The following TIAM1 variants were observed in gnomAD, a reference collection of about 807,000 sequenced individuals.
TIAM1 encodes the protein TIAM Rac1 associated GEF 1.
In TIAM1, 65 loss-of-function variants were observed where a neutral mutation model predicts 163.5. That is an observed-to-expected ratio of 0.40 (90% confidence interval 0.33 to 0.49). The LOEUF (loss-of-function observed/expected upper bound fraction) is 0.49, where lower values mean the gene tolerates loss of function less well. Ranked by LOEUF, TIAM1 falls within the 20% of genes least tolerant of loss-of-function variation. The probability of loss-of-function intolerance (pLI) is 0.77; values close to 1 mark genes in which losing one functional copy is unlikely to be tolerated. For synonymous variants in TIAM1, 833 were observed against 810.1 expected, an observed-to-expected ratio of 1.03 and a Z score of -0.48; for missense variants, 1,789 against 2,044.7, an observed-to-expected ratio of 0.87 and a Z score of 2.41.
Position 31,182,407 on chromosome 21 carries a change from C to T in TIAM1, c.2887+14G>A, listed in dbSNP as rs770809088. 1 of 1,535,626 alleles carries T rather than the reference C, an allele frequency of 6.5e-7. No individual in the cohort carries two copies. The highest frequency in any genetic ancestry group is 2.1e-5 in the Admixed American group (1 of 47,808). Reference sequence around the variant, plus strand: ...GGAGTTCAGACTCGCCCCCAGCACCCTGCACAGCCATACCTGGGTTGCTGG... The same window carrying T: ...GGAGTTCAGACTCGCCCCCAGCACCTTGCACAGCCATACCTGGGTTGCTGG... On this transcript the variant is annotated intron_variant, in intron 15 of 27. Transcript: ENST00000541036.
intron 2 of TIAM1, among the ~76,000 whole-genome samples, chr21:31,323,730 C>T (rs1202959733): frequency 6.6e-6 from 1 of 152,090 alleles, no homozygotes; most frequent in African/African-American, 2.4e-5. Flanking sequence ...ACTTGGGAGG[C>T]TAAGGCAGGA....
intron 19 of TIAM1, among the ~76,000 whole-genome samples, chr21:31,149,268 G>A (rs370015168): frequency 6.6e-6 from 1 of 152,212 alleles, no homozygotes; most frequent in East Asian, 1.9e-4. Flanking sequence ...CTTGTGACCA[G>A]AAGTACTTCA....
intron 2 of TIAM1, among the ~76,000 whole-genome samples, chr21:31,324,195 C>T (rs1335463087): frequency 6.6e-6 from 1 of 151,936 alleles, no homozygotes; most frequent in Non-Finnish European, 1.5e-5. Flanking sequence ...TAATTCATTG[C>T]GTTTGGGACC....
chr21:31,413,684 T>C (rs1188959561), intron 2 of TIAM1, among the ~76,000 whole-genome samples: 2 of 152,112 alleles, frequency 1.3e-5, no homozygotes, highest in Non-Finnish European at 1.5e-5. Flanking sequence ...TAAAAAACAA[T>C]GGGTAAAATG....
At chr21:31,229,943 G>A (rs182355433) in intron 6 of TIAM1, among the ~76,000 whole-genome samples, 306 of 152,232 alleles carry the variant, frequency 2.0e-3, no homozygotes, top group African/African-American at 6.1e-3. Flanking sequence ...GTGAGCTACC[G>A]CGCCCGGCCA....
At chr21:31,529,130 A>G (rs978827112) in intron 1 of TIAM1, among the ~76,000 whole-genome samples, 1 of 151,802 alleles carries the variant, frequency 6.6e-6, no homozygotes, top group Non-Finnish European at 1.5e-5. Context: ...CGTGTTAGCC[A>G]GGATGGTCTC....
intron 1 of TIAM1, among the ~76,000 whole-genome samples, chr21:31,486,996 G>C (rs1485447545): frequency 1.3e-5 from 2 of 152,156 alleles, no homozygotes; most frequent in African/African-American, 4.8e-5. Context: ...TCTCTCCTTG[G>C]AATGTGGGAT....
At chr21:31,491,777 C>T (rs887519326) in intron 1 of TIAM1, among the ~76,000 whole-genome samples, 1 of 152,178 alleles carries the variant, frequency 6.6e-6, no homozygotes, top group Non-Finnish European at 1.5e-5. Flanking sequence ...GATGAATCTA[C>T]GAGACTTTGG....
At chr21:31,210,610 G>A (rs1242397063) in intron 10 of TIAM1, among the ~76,000 whole-genome samples, 33 of 66,952 alleles carry the variant, frequency 4.9e-4, no homozygotes, top group Non-Finnish European at 5.3e-4. Flanking sequence ...AAGAAGGAAG[G>A]AAGGGAGAAA....
intron 27 of TIAM1, among the ~76,000 whole-genome samples, chr21:31,123,258 A>G (rs969323471): frequency 1.3e-5 from 2 of 152,214 alleles, no homozygotes; most frequent in African/African-American, 4.8e-5. Context: ...TGAGGTTGAG[A>G]CACATATTCC....
intron 1 of TIAM1, among the ~76,000 whole-genome samples, chr21:31,550,895 A>G (rs1208101957): frequency 6.6e-6 from 1 of 152,174 alleles, no homozygotes; most frequent in African/African-American, 2.4e-5. Flanking sequence ...TCAGTAATAT[A>G]AAGACTGAAG....
At chr21:31,323,780 G>C (rs948807752) in intron 2 of TIAM1, among the ~76,000 whole-genome samples, 1 of 152,026 alleles carries the variant, frequency 6.6e-6, no homozygotes, top group Admixed American at 6.5e-5. Context: ...GCAGTGAGCC[G>C]GGATCGCGCC....
chr21:31,337,772 C>T (rs963515821), intron 2 of TIAM1, among the ~76,000 whole-genome samples: 9 of 151,956 alleles, frequency 5.9e-5, no homozygotes, highest in African/African-American at 1.7e-4. Context: ...TCAAGTAATC[C>T]GCCCACCTCG....
intron 4 of TIAM1, among the ~76,000 whole-genome samples, chr21:31,256,398 A>G (rs1054077197): frequency 1.1e-4 from 17 of 152,182 alleles, no homozygotes; most frequent in Non-Finnish European, 2.2e-4. Flanking sequence ...TTTCCCTGAT[A>G]GATCCAGCTT....
chr21:31,199,471 C>A (rs1030282117), intron 12 of TIAM1, among the ~76,000 whole-genome samples: 2 of 152,170 alleles, frequency 1.3e-5, no homozygotes, highest in South Asian at 4.2e-4. Context: ...TAAGCCACCT[C>A]CACCATGGCC....
intron 2 of TIAM1, among the ~76,000 whole-genome samples, chr21:31,411,511 C>A (rs2077357699): frequency 6.7e-6 from 1 of 149,932 alleles, no homozygotes; most frequent in Admixed American, 6.6e-5. Flanking sequence ...GGTCTCACTC[C>A]CTTGCCCAGG....
chr21:31,305,015 G>T (rs898851323), intron 2 of TIAM1, among the ~76,000 whole-genome samples: 1 of 152,116 alleles, frequency 6.6e-6, no homozygotes, highest in Non-Finnish European at 1.5e-5. Flanking sequence ...TAAATTCACG[G>T]AACTCCTGTC....
chr21:31,556,196 G>A (rs1307694657), intron 1 of TIAM1, among the ~76,000 whole-genome samples: 1 of 152,132 alleles, frequency 6.6e-6, no homozygotes, highest in African/African-American at 2.4e-5. Context: ...AGTACAAGAA[G>A]GATGAGAATC....
At chr21:31,289,645 G>A (rs757605367) in intron 2 of TIAM1, among the ~76,000 whole-genome samples, 2 of 152,106 alleles carry the variant, frequency 1.3e-5, no homozygotes, top group Non-Finnish European at 2.9e-5. Flanking sequence ...AAGTCATTGC[G>A]AATCAGATTT....
Sources: gnomAD v4.1 joint callset for allele counts (sites outside exome capture counted in the v4.1 genomes callset) on GRCh38, gnomAD v4.1.1 for gene constraint, MANE v1.5 for transcripts, NCBI Gene and HGNC (gene_info 2026-07-23, HGNC 2026-07-21) for gene names.